The following DAP3 variants were observed in gnomAD, a reference collection of about 807,000 sequenced individuals.
DAP3 encodes the protein small ribosomal subunit protein mS29.
A neutral mutation model predicts 51.9 loss-of-function variants in DAP3; 28 were observed. The observed-to-expected ratio is 0.54, with a 90% confidence interval of 0.40 to 0.74. The LOEUF (loss-of-function observed/expected upper bound fraction) is 0.74. DAP3 is among the 30% of genes least tolerant of loss of function. The pLI is 0.00. For missense variants in DAP3, 458 were observed against 483.5 expected (o/e 0.95, Z 0.49); for synonymous variants, 170 against 170.3 (o/e 1.00, Z 0.01).
chr1:155,694,394 C>T (rs1267621733), intron 1 of DAP3, among the ~76,000 whole-genome samples: 1 of 141,540 alleles, frequency 7.1e-6, no homozygotes, highest in Non-Finnish European at 1.5e-5. Context: ...GACGTATGCC[C>T]AATAGGTATA....
At chr1:155,688,721 C>A (rs1653137748), upstream of DAP3, 4 of 1,520,054 alleles carry the variant, frequency 2.6e-6, no homozygotes, top group South Asian at 1.2e-5. Context: ...CCCTCCCCGC[C>A]CGCACGGCCA....
chr1:155,688,601 T>C, upstream of DAP3: 1 of 1,535,724 alleles, frequency 6.5e-7, no homozygotes, highest in Non-Finnish European at 8.7e-7. Context: ...CCTCGCCCAG[T>C]TCTCCACTCC....
intron 12 of DAP3, 123 bp from the exon 13 acceptor site, chr1:155,738,034 T>C: frequency 1.1e-6 from 1 of 879,312 alleles, no homozygotes; most frequent in South Asian, 1.6e-5. Context: ...GTAAGATCTC[T>C]TGGGAGATGA....
chr1:155,718,811 G>A (rs1209914283), intron 3 of DAP3, among the ~76,000 whole-genome samples: 1 of 151,922 alleles, frequency 6.6e-6, no homozygotes, highest in Non-Finnish European at 1.5e-5. Context: ...ACAAAATGAA[G>A]TAGAATAAAT....
intron 11 of DAP3, 182 bp downstream of exon 11, chr1:155,732,215 T>C: frequency 2.2e-6 from 1 of 453,758 alleles, no homozygotes; most frequent in Non-Finnish European, 3.8e-6. Flanking sequence ...GTCTCCGTCT[T>C]TCTCCAGAGT....
At chr1:155,724,362 G>A (rs1658330695) in intron 4 of DAP3, among the ~76,000 whole-genome samples, 1 of 152,130 alleles carries the variant, frequency 6.6e-6, no homozygotes, top group Non-Finnish European at 1.5e-5. Context: ...TAGGCCAGGT[G>A]CGGTGGCTCA....
At chr1:155,725,190 T>C (rs1391890074) in intron 4 of DAP3, among the ~76,000 whole-genome samples, 192 bp from the exon 5 acceptor site, 1 of 152,168 alleles carries the variant, frequency 6.6e-6, no homozygotes, top group Non-Finnish European at 1.5e-5. Flanking sequence ...TGCGGAATAA[T>C]GTATTTCAGT....
Position 155,709,747 on chromosome 1 carries a change from T to C in DAP3, c.-7-26T>C, listed in dbSNP as rs535872383. The C allele has an allele frequency of 5.0e-6, 8 of 1,600,066 alleles. No individual in the cohort carries two copies. In the East Asian group the frequency reaches 1.3e-4, roughly 27 times the overall value. On this transcript the variant is annotated intron_variant, in intron 1 of 12. Transcript: ENST00000368336. ...ATCTTTTCCCATTTGTGGTTTACCT[T>C]TTCACTTTTTTTTTTTTTGTAACAG...
intron 2 of DAP3, among the ~76,000 whole-genome samples, chr1:155,716,804 G>A (rs921350699): frequency 2.6e-5 from 4 of 151,484 alleles, no homozygotes; most frequent in African/African-American, 9.7e-5. Context: ...AAAATCAGCC[G>A]GGTGTGGTGG....
chr1:155,734,792 CAT>C (rs2149205867), intron 11 of DAP3, among the ~76,000 whole-genome samples: 1 of 152,276 alleles, frequency 6.6e-6, no homozygotes, highest in East Asian at 1.9e-4. Flanking sequence ...TTTCTCTAAT[CAT>C]ATTAAAAAAC....
In DAP3 at chr1:155,731,872, T is replaced by A. The variant is rs982440529; in HGVS notation, c.904-72T>A. 51 of 1,440,674 alleles carry A rather than the reference T, an allele frequency of 3.5e-5. No individual in the cohort carries two copies. In the Admixed American group the frequency reaches 5.0e-4, roughly 14 times the overall value. 89.2% of individuals were successfully genotyped at this position (1,440,674 alleles called of 1,614,324 possible). A position where few individuals can be genotyped will look rare whatever the true frequency, so the allele number is the denominator to read the frequency against. ...GTATGCCCAAGAAAGAAAAAAAAAA[T>A]CTACAGATGATTAATGCAGTTTTCC... On this transcript the variant is annotated intron_variant, in intron 10 of 12. Coordinates refer to ENST00000368336, the MANE Select transcript of DAP3 (RefSeq NM_004632.4).
At chr1:155,702,706 C>T (rs1329232114) in intron 1 of DAP3, among the ~76,000 whole-genome samples, 1 of 152,034 alleles carries the variant, frequency 6.6e-6, no homozygotes, top group Non-Finnish European at 1.5e-5. Context: ...CACGATGGCT[C>T]ACGCCTGTAA....
chr1:155,732,949 G>A (rs184745214), intron 11 of DAP3, among the ~76,000 whole-genome samples: 5 of 152,292 alleles, frequency 3.3e-5, no homozygotes, highest in East Asian at 1.9e-4. Flanking sequence ...GCTTGAACCC[G>A]GGAGGTGGAG....
chr1:155,702,590 T>C (rs1247459335), intron 1 of DAP3, among the ~76,000 whole-genome samples: 3 of 152,200 alleles, frequency 2.0e-5, no homozygotes, highest in African/African-American at 4.8e-5. Flanking sequence ...TTTCATTCTT[T>C]TGTGGGTGAA....
chr1:155,701,127 A>G (rs888458037), intron 1 of DAP3, among the ~76,000 whole-genome samples: 1 of 122,220 alleles, frequency 8.2e-6, no homozygotes, highest in Non-Finnish European at 1.6e-5. Context: ...GGCCGCCCCT[A>G]CTGGGAAGTG....
At chr1:155,737,088 C>T (rs749884671) in intron 12 of DAP3, 25 bp downstream of exon 12, 48 of 1,536,086 alleles carry the variant, frequency 3.1e-5, no homozygotes, top group Non-Finnish European at 4.2e-5. Context: ...TTTTTCCTAT[C>T]AGGGCTTTGT....
chr1:155,725,898 C>A (rs1220278898), intron 5 of DAP3, 29 bp from the exon 6 acceptor site: 4 of 1,592,764 alleles, frequency 2.5e-6, no homozygotes, highest in Admixed American at 3.4e-5. Flanking sequence ...TCCTTCCAGT[C>A]ATGTTTTCTT....
chr1:155,731,867 A>C, intron 10 of DAP3, 77 bp from the exon 11 acceptor site: 2 of 1,448,058 alleles, frequency 1.4e-6, no homozygotes, highest in Non-Finnish European at 1.9e-6. Context: ...GAAAGAAAAA[A>C]AAAATCTACA....
chr1:155,689,098 CA>C lies in DAP3; in HGVS notation c.-83del. On this transcript the variant is annotated 5_prime_UTR_variant, in exon 1 of 13. Transcript: ENST00000368336. ...ATGACCCGACCCTTTTTTGCAGTCT[CA>C]GGACGGGCGCTTTGGAGCCGGCCCC... 1.5e-6 allele frequency: 2 copies of C among 1,358,494 alleles called. No individual in the cohort carries two copies. The highest frequency in any genetic ancestry group is 2.1e-4 in the Middle Eastern group (1 of 4,814). 84.2% of individuals were successfully genotyped at this position (1,358,494 alleles called of 1,614,324 possible). A position where few individuals can be genotyped will look rare whatever the true frequency, so the allele number is the denominator to read the frequency against.
Sources: allele counts gnomAD v4.1 joint callset (sites outside exome capture counted in the v4.1 genomes callset), GRCh38; gene constraint gnomAD v4.1.1; transcripts MANE v1.5; gene names NCBI Gene and HGNC (gene_info 2026-07-23, HGNC 2026-07-21).